HMCN2: variants seen among roughly 807,000 people sequenced by gnomAD.
HMCN2 encodes the protein hemicentin-2.
A neutral mutation model predicts 377.5 loss-of-function variants in HMCN2; 325 were observed. The observed-to-expected ratio is 0.86, with a 90% CI of 0.79 to 0.94. The LOEUF (loss-of-function observed/expected upper bound fraction) is 0.94. HMCN2 is among the 40% of genes least tolerant of loss of function. The probability of loss-of-function intolerance (pLI) is 0.00; values close to 1 mark genes in which losing one functional copy is unlikely to be tolerated. For synonymous variants in HMCN2, 2,007 were observed against 2,046.8 expected, an observed-to-expected ratio of 0.98 and a Z score of 0.53; for missense variants, 4,543 against 4,725.3, an observed-to-expected ratio of 0.96 and a Z score of 1.13.
intron 3 of HMCN2, among the ~76,000 whole-genome samples, 161 bp from the exon 4 acceptor site, chr9:130,286,027 C>A (rs1835393418): frequency 6.6e-6 from 1 of 152,178 alleles, no homozygotes; most frequent in South Asian, 2.1e-4. Flanking sequence ...ATGGGCACTT[C>A]TATTTTCCCT....
chr9:130,421,661 G>C (rs978468774), intron 86 of HMCN2, among the ~76,000 whole-genome samples: 4 of 152,098 alleles, frequency 2.6e-5, no homozygotes, highest in Admixed American at 1.3e-4. Flanking sequence ...ATAGGTTCAC[G>C]GCCCTTCTCC....
intron 22 of HMCN2, among the ~76,000 whole-genome samples, chr9:130,334,133 C>T (rs1487697372): frequency 6.6e-6 from 1 of 152,174 alleles, no homozygotes; most frequent in Non-Finnish European, 1.5e-5. Flanking sequence ...GCAGGTGTGT[C>T]CCAGGTAGAA....
chr9:130,269,412 G>A (rs900004373), intron 1 of HMCN2, among the ~76,000 whole-genome samples: 6 of 146,588 alleles, frequency 4.1e-5, no homozygotes, highest in Non-Finnish European at 9.1e-5. Context: ...TGGTTTTTAC[G>A]TAGGCTTAAG....
In HMCN2 at chr9:130,414,263, G is replaced by T. The variant is rs1350910633; in HGVS notation, c.12961+3611G>T. On this transcript the variant is annotated intron_variant, in intron 85 of 97. Coordinates refer to ENST00000683500, the MANE Select transcript of HMCN2 (RefSeq NM_001291815.2). The surrounding 1 kb of genome is among the most constrained non-coding windows in gnomAD (Gnocchi z 4.4). Reference sequence around the variant, plus strand: ...CCGTGTGGCCAGGTGGGCAGCGAGGGTAGTGCCAGCAGAGGCCCGGTGTGG... The same window carrying T: ...CCGTGTGGCCAGGTGGGCAGCGAGGTTAGTGCCAGCAGAGGCCCGGTGTGG... 2.6e-5 allele frequency among the ~76,000 whole-genome samples: 4 copies of T among 152,152 alleles called. No homozygotes were observed. The highest frequency in any genetic ancestry group is 5.9e-5 in the Non-Finnish European group (4 of 68,026).
chr9:130,353,854 C>A (rs1228429302), intron 31 of HMCN2, among the ~76,000 whole-genome samples: 1 of 152,046 alleles, frequency 6.6e-6, no homozygotes, highest in Non-Finnish European at 1.5e-5. Flanking sequence ...TGAGCAGGGC[C>A]CCGGTGAAGT....
chr9:130,433,554 T>A lies in HMCN2; in HGVS notation c.15101T>A (p.Leu5034Gln). ...DPRSPFALRPLRAGLGAVYTR... is the reference protein window; with the variant it reads ...DPRSPFALRPQRAGLGAVYTR... ...CGCAGCCCCTTCGCGCTGCGTCCGC[T>A]GCGCGCGGGCCTTGGCGCGGTCTAC... The change falls in exon 98 of 98, where the codon CTG (leucine) becomes CAG (glutamine). Residue 5034 changes from leucine to glutamine, a missense_variant. This residue lies in a region of HMCN2 where 1,155 missense variants were observed against 1,157.7 expected (regional missense o/e 1.00). Coordinates refer to ENST00000683500, the MANE Select transcript of HMCN2 (RefSeq NM_001291815.2). 1 of 1,470,054 alleles carries A rather than the reference T, an allele frequency of 6.8e-7. No homozygotes were observed. The highest frequency in any genetic ancestry group is 9.0e-7 in the Non-Finnish European group (1 of 1,116,376). The allele number at this position is 1,470,054 out of a possible 1,614,324, so 91.1% of individuals were successfully genotyped here. A position where few individuals can be genotyped will look rare whatever the true frequency, so the allele number is the denominator to read the frequency against.
chr9:130,431,177 G>T lies in HMCN2; in HGVS notation c.14648-190G>T, dbSNP rs993042266. The T allele has an allele frequency of 8.7e-5, 54 of 621,640 alleles. No individual in the cohort carries two copies. In the Admixed American group the frequency reaches 1.5e-3, roughly 17 times the overall value. 38.5% of individuals were successfully genotyped at this position (621,640 alleles called of 1,614,324 possible). On this transcript the variant is annotated intron_variant, in intron 95 of 97. Coordinates refer to ENST00000683500, the MANE Select transcript of HMCN2 (RefSeq NM_001291815.2). Reference sequence around the variant, plus strand: ...GGTGAGCACGGGGTAGGTAAGGTGGGGCTCCTCCCTCTCAGCAAGCACAGG... The same window carrying T: ...GGTGAGCACGGGGTAGGTAAGGTGGTGCTCCTCCCTCTCAGCAAGCACAGG...
At chr9:130,365,823 C>A (rs906439503) in intron 42 of HMCN2, 53 bp from the exon 43 acceptor site, 1 of 982,806 alleles carries the variant, frequency 1.0e-6, no homozygotes. Context: ...CCTTGCTCAT[C>A]CCCTCCCCAT....
chr9:130,371,042 G>C lies in HMCN2; in HGVS notation c.7148G>C (p.Cys2383Ser). 4.1e-6 allele frequency: 4 copies of C among 985,948 alleles called. No individual in the cohort carries two copies. Among genetic ancestry groups the C allele is most frequent in the Non-Finnish European group, 4.8e-6 (4 of 830,010 alleles). 61.1% of individuals were successfully genotyped at this position (985,948 alleles called of 1,614,324 possible). A position where few individuals can be genotyped will look rare whatever the true frequency, so the allele number is the denominator to read the frequency against. ...TTGCACAGCCCCTTAACTCTGCTCT[G>C]TGAAGCCATGGGGATCCCACCTCCA... ...AALHSPLTLL[C>S]EAMGIPPPAI... is the part of the protein sequence containing the mutation. Residue 2383 changes from cysteine (C) to serine (S), a missense_variant, in exon 46 of 98, where the codon TGT (cysteine) becomes TCT (serine). Physicochemically the swap from Cys to Ser is moderately radical, Grantham distance 112. Coordinates refer to ENST00000683500, the MANE Select transcript of HMCN2 (RefSeq NM_001291815.2).
chr9:130,417,101 T>C (rs1279308803), intron 85 of HMCN2, among the ~76,000 whole-genome samples: 1 of 149,674 alleles, frequency 6.7e-6, no homozygotes, highest in Non-Finnish European at 1.5e-5. Flanking sequence ...TTAGTAGAAA[T>C]AGGGTTTCAC....
intron 85 of HMCN2, among the ~76,000 whole-genome samples, chr9:130,416,151 C>T (rs1333192433): frequency 4.1e-5 from 6 of 145,200 alleles, no homozygotes; most frequent in Admixed American, 3.6e-4. Flanking sequence ...GTCACCCAGG[C>T]TGGAGTGCAG....
rs140734250 is a variant in HMCN2 at position 130,389,227 on chromosome 9, T to C, written c.9523+687T>C. On this transcript the variant is annotated intron_variant, in intron 62 of 97. Transcript: ENST00000683500. ...CCTGCCCCTCTCTCTCAGTAACAGC[T>C]TTATTGGGATATAATTCACACACTA... 7.4e-3 allele frequency among the ~76,000 whole-genome samples: 1,134 copies of C among 152,268 alleles called. 15 individuals carry two copies. Among genetic ancestry groups the C allele is most frequent in the African/African-American group, 0.026 (1,067 of 41,548 alleles).
At chr9:130,411,886 T>C (rs2131754800) in intron 85 of HMCN2, among the ~76,000 whole-genome samples, 1 of 136,092 alleles carries the variant, frequency 7.3e-6, no homozygotes, top group South Asian at 2.5e-4. Flanking sequence ...GATTGTACAA[T>C]GTCAAATACT....
chr9:130,298,745 C>T (rs1307751083), intron 7 of HMCN2, among the ~76,000 whole-genome samples: 1 of 152,124 alleles, frequency 6.6e-6, no homozygotes, highest in Non-Finnish European at 1.5e-5. Flanking sequence ...CAGTTCTACT[C>T]CATGGGACTC....
chr9:130,380,126 C>G (rs1172007366), intron 54 of HMCN2, among the ~76,000 whole-genome samples: 2 of 152,204 alleles, frequency 1.3e-5, no homozygotes, highest in African/African-American at 4.8e-5. Flanking sequence ...TCCACCGTCT[C>G]GGATCGGCCT....
rs1242222128 is a variant in HMCN2, at chr9:130,285,174, C to T, written c.347C>T (p.Pro116Leu). The T allele has an allele frequency of 2.8e-5, 13 of 470,956 alleles. No homozygotes were observed. Among genetic ancestry groups the T allele is most frequent in the East Asian group, 1.4e-4 (2 of 14,398 alleles). The allele number at this position is 470,956 out of a possible 1,614,324, so 29.2% of individuals were successfully genotyped here. A position where few individuals can be genotyped will look rare whatever the true frequency, so the allele number is the denominator to read the frequency against. The change falls in exon 3 of 98, where the codon CCG becomes CTG. Residue 116 changes from proline to leucine, a missense_variant. By Grantham distance (98) the Pro-to-Leu change is moderately conservative. Transcript: ENST00000683500. ...GCCCTCCAGGGAGGTGGTGACTGCC[C>T]GGAGATGAGTGTGGGGGCCATTAAG... ...ELYVQGGGDC[P>L]EMSVGAIKAA...
At chr9:130,365,766 T>A in intron 42 of HMCN2, 39 bp downstream of exon 42, 2 of 980,086 alleles carry the variant, frequency 2.0e-6, no homozygotes, top group Non-Finnish European at 2.4e-6. Flanking sequence ...AGGGGGCTGC[T>A]GCCTTGATTG....
In HMCN2 at chr9:130,433,864, C is replaced by T. The variant is rs1844927724; in HGVS notation, c.*171C>T. 3.4e-6 allele frequency: 2 copies of T among 588,542 alleles called. No individual in the cohort carries two copies. Among genetic ancestry groups the T allele is most frequent in the South Asian group, 5.6e-5 (2 of 35,756 alleles). 36.5% of individuals were successfully genotyped at this position (588,542 alleles called of 1,614,324 possible). On this transcript the variant is annotated 3_prime_UTR_variant, in exon 98 of 98. Coordinates refer to ENST00000683500, the MANE Select transcript of HMCN2 (RefSeq NM_001291815.2). ...TGCGCACAGCCTTGACCCCCGACAG[C>T]GAGGACCTGACCTCACAGAGGGAGG...
chr9:130,301,235 G>A (rs575657478), intron 8 of HMCN2, among the ~76,000 whole-genome samples: 7 of 152,358 alleles, frequency 4.6e-5, no homozygotes, highest in South Asian at 4.1e-4. Flanking sequence ...TGGTTCCGGG[G>A]CCTCTCTTCC....
Sources: allele counts gnomAD v4.1 joint callset (sites outside exome capture counted in the v4.1 genomes callset), GRCh38; gene constraint gnomAD v4.1.1; regional missense constraint gnomAD v4.1.1; non-coding constraint Gnocchi (gnomAD v3.1); transcripts MANE v1.5; gene names NCBI Gene and HGNC (gene_info 2026-07-23, HGNC 2026-07-21).